Variants in DAAM2 observed in about 807,000 individuals in gnomAD.
DAAM2 encodes the protein dishevelled associated activator of morphogenesis 2, also known as disheveled-associated activator of morphogenesis 2.
Under a neutral mutation model 120.7 loss-of-function variants are expected in DAAM2, and 39 were observed. The observed-to-expected ratio is 0.32, with a 90% CI of 0.25 to 0.42. The LOEUF (loss-of-function observed/expected upper bound fraction) is 0.42. Ranked by LOEUF, DAAM2 falls within the 10% of genes least tolerant of loss-of-function variation. The pLI, the probability that DAAM2 is intolerant of heterozygous loss-of-function variation, is 1.00. For missense variants in DAAM2, 1,283 were observed against 1,401.7 expected, an observed-to-expected ratio of 0.92 and a Z score of 1.35; for synonymous variants, 488 against 524.9, an observed-to-expected ratio of 0.93 and a Z score of 0.96.
At chr6:39,826,147 T>C (rs1343435369) in intron 1 of DAAM2, among the ~76,000 whole-genome samples, 1 of 152,156 alleles carries the variant, frequency 6.6e-6, no homozygotes, top group East Asian at 1.9e-4. Context: ...GGAGAAATGA[T>C]AAACACACGG....
chr6:39,879,288 T>TCCCCCCCC lies in DAAM2; in HGVS notation c.1661_1662insCCCCCCCC (p.Pro557LeufsTer52). 6.9e-7 allele frequency: 1 copy of TCCCCCCCC among 1,451,754 alleles called. No homozygotes were observed. Among genetic ancestry groups the TCCCCCCCC allele is most frequent in the South Asian group, 1.2e-5 (1 of 80,636 alleles). The allele number at this position is 1,451,754 out of a possible 1,614,324, so 89.9% of individuals were successfully genotyped here. ...CTCCTCCTCTGCCCTTTGCCTGTTG[T>TCCCCCCCC]CCCCCTCCCCCACCACCACCCCTTC... On this transcript the variant is annotated frameshift_variant, in exon 14 of 25. Coordinates refer to ENST00000274867, the MANE Select transcript of DAAM2 (RefSeq NM_001201427.2). LOFTEE classifies it high-confidence loss of function.
chr6:39,803,423 G>T (rs1761924949), intron 1 of DAAM2, among the ~76,000 whole-genome samples: 5 of 152,192 alleles, frequency 3.3e-5, no homozygotes, highest in Admixed American at 3.3e-4. Flanking sequence ...TAGAAAGTCT[G>T]CTGGGGTAGG....
chr6:39,886,646 A>G (rs963979330), intron 15 of DAAM2: 16 of 395,014 alleles, frequency 4.1e-5, no homozygotes, highest in Non-Finnish European at 6.2e-5. Context: ...GACCCCTGGC[A>G]GCAGTGGAGG....
chr6:39,899,009 G>C, intron 22 of DAAM2, 72 bp downstream of exon 22: 4 of 1,311,572 alleles, frequency 3.0e-6, no homozygotes, highest in East Asian at 2.5e-5. Context: ...TGCACCCTAA[G>C]CTCCTACACA....
intron 1 of DAAM2, chr6:39,820,326 T>C (rs1762447963): frequency 6.6e-6 from 1 of 152,216 alleles, no homozygotes; most frequent in Non-Finnish European, 1.5e-5. Context: ...TTTAAAAAAC[T>C]TTTTATTTCA....
At chr6:39,873,939 G>T (rs998813720) in intron 10 of DAAM2, among the ~76,000 whole-genome samples, 2 of 152,190 alleles carry the variant, frequency 1.3e-5, no homozygotes, top group Non-Finnish European at 2.9e-5. Context: ...AATGCAATTT[G>T]AAATGAGCTT....
At chr6:39,805,395 T>A (rs1244668472) in intron 1 of DAAM2, among the ~76,000 whole-genome samples, 3 of 152,160 alleles carry the variant, frequency 2.0e-5, no homozygotes, top group African/African-American at 7.2e-5. Context: ...TGGAACATAG[T>A]ATGTACTCCA....
chr6:39,863,050 C>G (rs569659699), intron 3 of DAAM2, among the ~76,000 whole-genome samples: 1 of 151,952 alleles, frequency 6.6e-6, no homozygotes, highest in Non-Finnish European at 1.5e-5. Flanking sequence ...TGGATCACCC[C>G]CCAAGGTCTG....
At chr6:39,839,041 C>T (rs987102506) in intron 1 of DAAM2, among the ~76,000 whole-genome samples, 3 of 152,150 alleles carry the variant, frequency 2.0e-5, no homozygotes, top group African/African-American at 7.2e-5. Context: ...TCTCTCTCCT[C>T]CCACAGAGAT....
At chr6:39,806,152 G>T (rs1172173559) in intron 1 of DAAM2, among the ~76,000 whole-genome samples, 7 of 152,152 alleles carry the variant, frequency 4.6e-5, no homozygotes, top group Non-Finnish European at 1.0e-4. Context: ...GAAGATTATT[G>T]CTATAAGAGG....
Position 39,891,659 on chromosome 6 carries a change from C to A in DAAM2, c.2278C>A (p.Gln760Lys), listed in dbSNP as rs776393570. Residue 760 changes from glutamine (Q) to lysine (K), a missense_variant, in exon 19 of 25, where the codon CAA (glutamine) becomes AAA (lysine). Gln to Lys is a moderately conservative substitution (Grantham distance 53). Around this residue, in one of 3 missense-constraint regions of DAAM2, gnomAD observed 748 missense variants for 768.6 expected, o/e 0.97. Transcript: ENST00000274867. ...SRIDHYQQRL[Q>K]ALFFKKKFQE... ...GATTGACCACTACCAGCAGCGACTG[C>A]AAGCCCTCTTCTTCAAGAAGAAATT... The A allele has an allele frequency of 5.0e-6, 8 of 1,611,546 alleles. No homozygotes were observed. In the East Asian group the frequency reaches 1.8e-4, roughly 36 times the overall value.
At position 39,901,862 on chromosome 6, in the gene DAAM2, T is replaced by C. The variant is rs777320989; in HGVS notation, c.3032T>C (p.Leu1011Pro). ...CGGTGGCAGCGGCAGCGGAAGGTCC[T>C]GGCTGCAGGCAGCTCGCTGGAGGAG... ...RERWQRQRKV[L>P]AAGSSLEEGG... The change falls in exon 25 of 25, where the codon CTG (leucine) becomes CCG (proline). Residue 1011 changes from leucine to proline, a missense_variant. Leu to Pro is a moderately conservative substitution (Grantham distance 98). This residue lies in a region of DAAM2 where 748 missense variants were observed against 768.6 expected (regional missense o/e 0.97). Coordinates refer to ENST00000274867, the MANE Select transcript of DAAM2 (RefSeq NM_001201427.2). The surrounding 1 kb of genome is among the most constrained non-coding windows in gnomAD (Gnocchi z 4.5). 16 of 1,588,210 alleles carry C rather than the reference T, an allele frequency of 1.0e-5. No individual in the cohort carries two copies. The South Asian group carries it at 1.8e-4, about 18-fold the overall frequency.
chr6:39,899,633 A>G (rs1766351253), intron 22 of DAAM2: 1 of 158,136 alleles, frequency 6.3e-6, no homozygotes, highest in South Asian at 1.8e-4. Flanking sequence ...ATGATTTCCA[A>G]ATTTACAATT....
chr6:39,865,163 CCA>C, intron 5 of DAAM2, 89 bp downstream of exon 5: 1 of 772,842 alleles, frequency 1.3e-6, no homozygotes, highest in Non-Finnish European at 2.2e-6. Flanking sequence ...TGCTCTGCTC[CCA>C]TGCCGGTCCT....
chr6:39,868,171 G>A (rs1418100803), intron 6 of DAAM2: 6 of 345,324 alleles, frequency 1.7e-5, no homozygotes, highest in Non-Finnish European at 1.6e-5. Context: ...GCTCATGATA[G>A]GGGCTCAGTC....
intron 1 of DAAM2, among the ~76,000 whole-genome samples, chr6:39,829,947 C>G (rs752377734): frequency 1.3e-5 from 2 of 152,204 alleles, no homozygotes; most frequent in African/African-American, 4.8e-5. Flanking sequence ...CTAGATTTCT[C>G]ATGCTCCCTC....
chr6:39,842,509 T>A (rs1012771348), intron 1 of DAAM2, among the ~76,000 whole-genome samples: 2 of 152,068 alleles, frequency 1.3e-5, no homozygotes, highest in Non-Finnish European at 2.9e-5. Flanking sequence ...GGTGCATGCC[T>A]GTAAACCCAG....
In DAAM2 at chr6:39,853,764, C is replaced by T. The variant is rs573101905; in HGVS notation, c.-56-2483C>T. ...CATGGTGCTGTCATCCCAGCCTCCCCGCTGCCTCTCGGAGCTCCCTTCCCA... is the reference window on the plus strand; with the variant it reads ...CATGGTGCTGTCATCCCAGCCTCCCTGCTGCCTCTCGGAGCTCCCTTCCCA... On this transcript the variant is annotated intron_variant, in intron 1 of 24. Transcript: ENST00000274867. 8.5e-5 allele frequency among the ~76,000 whole-genome samples: 13 copies of T among 152,322 alleles called. No homozygotes were observed. In the South Asian group the frequency reaches 1.0e-3, roughly 12 times the overall value.
At chr6:39,896,689 TGA>T in intron 19 of DAAM2, 121 bp from the exon 20 acceptor site, 1 of 762,468 alleles carries the variant, frequency 1.3e-6, no homozygotes, top group East Asian at 3.1e-5. Context: ...TCTGCCTCAC[TGA>T]GAGTTGAAGG....
Sources: gnomAD v4.1 joint callset for allele counts (sites outside exome capture counted in the v4.1 genomes callset) on GRCh38, gnomAD v4.1.1 for gene constraint, gnomAD v4.1.1 regional missense constraint, Gnocchi (gnomAD v3.1) non-coding constraint, MANE v1.5 for transcripts, NCBI Gene and HGNC (gene_info 2026-07-23, HGNC 2026-07-21) for gene names.